The following AHRR variants were observed in gnomAD, a reference collection of about 807,000 sequenced individuals.
AHRR encodes the protein aryl hydrocarbon receptor repressor.
A neutral mutation model predicts 44.0 loss-of-function variants in AHRR; 28 were observed. That is an observed-to-expected ratio of 0.64 (90% CI 0.47 to 0.87). The LOEUF (loss-of-function observed/expected upper bound fraction) is 0.87, where lower values mean the gene tolerates loss of function less well. Ranked by LOEUF, AHRR falls within the 40% of genes least tolerant of loss-of-function variation. The probability of loss-of-function intolerance (pLI) is 0.00; values close to 1 mark genes in which losing one functional copy is unlikely to be tolerated. For missense variants in AHRR, 990 were observed against 953.9 expected (o/e 1.04, Z -0.50); for synonymous variants, 434 against 407.0 (o/e 1.07, Z -0.80).
chr5:373,344 C>T (rs1743642653), intron 3 of AHRR, among the ~76,000 whole-genome samples: 1 of 152,224 alleles, frequency 6.6e-6, no homozygotes, highest in African/African-American at 2.4e-5. Context: ...TGGCAGGGCC[C>T]CTCTCTGCAG....
chr5:418,698 G>C (rs68005421), intron 5 of AHRR: 45,206 of 152,220 alleles, frequency 0.3, 7,157 homozygotes, highest in Non-Finnish European at 0.36. Context: ...GTGTAGGTCA[G>C]CAGGGCGGGA....
intron 6 of AHRR, 99 bp downstream of exon 6, chr5:422,957 C>T: frequency 1.4e-6 from 2 of 1,434,724 alleles, no homozygotes; most frequent in South Asian, 1.4e-5. Context: ...TCTTGGTGTG[C>T]TTTGCCTTAC....
intron 3 of AHRR, among the ~76,000 whole-genome samples, chr5:362,454 C>T (rs13185719): frequency 0.51 from 77,268 of 152,138 alleles, 19,929 homozygotes; most frequent in Non-Finnish European, 0.54. Flanking sequence ...CCTTCCAGCT[C>T]TCCAGGCTGT....
At chr5:400,044 G>C (rs773043061) in intron 4 of AHRR, among the ~76,000 whole-genome samples, 1 of 152,200 alleles carries the variant, frequency 6.6e-6, no homozygotes, top group African/African-American at 2.4e-5. Flanking sequence ...CCCGACGCCC[G>C]CCCGGTGCCC....
chr5:434,198 GAGCCTGCAGCACCAGCTCCCTC>G lies in AHRR; in HGVS notation c.1465_1486del (p.Gln489GlufsTer15). 6.3e-7 allele frequency: 1 copy of G among 1,592,196 alleles called. No individual in the cohort carries two copies. The highest frequency in any genetic ancestry group is 8.6e-7 in the Non-Finnish European group (1 of 1,169,256). On this transcript the variant is annotated frameshift_variant, in exon 11 of 11. Transcript: ENST00000684583. ...CTCCCCTCTGCCACTTTCCCCAGAG[GAGCCTGCAGCACCAGCTCCCTC>G]AGCCTGGAGCTCAGCGTTTTGCCAC...
In AHRR at chr5:343,896, G is replaced by A. The variant is rs1346976585; in HGVS notation, c.-7G>A. 1 of 1,599,416 alleles carries A rather than the reference G, an allele frequency of 6.3e-7. No homozygotes were observed. The highest frequency in any genetic ancestry group is 8.5e-7 in the Non-Finnish European group (1 of 1,173,918). On this transcript the variant is annotated 5_prime_UTR_variant, in exon 2 of 11. Transcript: ENST00000684583. ...CGGGTGCCCCCTTGTCTTCCAGGCC[G>A]AGGACGATGATCCCGCCGGGGGAGT...
In AHRR at chr5:326,566, G is replaced by A. The variant is rs1196688410; in HGVS notation, c.-11+4747G>A. On this transcript the variant is annotated intron_variant, in intron 1 of 10. Transcript: ENST00000684583. The surrounding 1 kb of genome is among the most constrained non-coding windows in gnomAD (Gnocchi z 4.1). Reference sequence around the variant, plus strand: ...GGCATTTGTATGCAGGTTTCTGTTAGAACAAATGCTTTTACTTCTGTTAGG... The same window carrying A: ...GGCATTTGTATGCAGGTTTCTGTTAAAACAAATGCTTTTACTTCTGTTAGG... Among the ~76,000 whole-genome samples the A allele has an allele frequency of 6.6e-6, 1 of 152,206 alleles. No individual in the cohort carries two copies. The highest frequency in any genetic ancestry group is 1.5e-5 in the Non-Finnish European group (1 of 68,030).
Position 435,178 on chromosome 5 carries a change from C to G in AHRR, c.*344C>G, listed in dbSNP as rs188868732. On this transcript the variant is annotated 3_prime_UTR_variant, in exon 11 of 11. Transcript: ENST00000684583. Reference sequence around the variant, plus strand: ...GTCCCATGGCTGCCAAGTCCACAGTCGGGGATGAAGCAGTCGGGTGATGCT... The same window carrying G: ...GTCCCATGGCTGCCAAGTCCACAGTGGGGGATGAAGCAGTCGGGTGATGCT... The G allele has an allele frequency of 3.7e-6, 1 of 272,606 alleles. No homozygotes were observed. Among genetic ancestry groups the G allele is most frequent in the Non-Finnish European group, 7.0e-6 (1 of 142,956 alleles). 16.9% of individuals were successfully genotyped at this position (272,606 alleles called of 1,614,324 possible).
chr5:415,575 T>TGGGG (rs1491316789), intron 5 of AHRR, among the ~76,000 whole-genome samples: 17 of 146,766 alleles, frequency 1.2e-4, no homozygotes, highest in Non-Finnish European at 2.1e-4. Flanking sequence ...ATCTGCCTGG[T>TGGGG]CTGCTGGGAG....
intron 2 of AHRR, among the ~76,000 whole-genome samples, chr5:352,555 G>C (rs1039831363): frequency 7.4e-6 from 1 of 134,266 alleles, no homozygotes; most frequent in African/African-American, 2.7e-5. Context: ...GTCACTCTGA[G>C]GTTAAATAGG....
At chr5:367,029 G>C (rs1743382232) in intron 3 of AHRR, among the ~76,000 whole-genome samples, 1 of 152,272 alleles carries the variant, frequency 6.6e-6, no homozygotes, top group Non-Finnish European at 1.5e-5. Flanking sequence ...GGCATCTGTG[G>C]ACAAGGGGTA....
At position 342,854 on chromosome 5, in the gene AHRR, G is replaced by A. The variant is rs1334945473; in HGVS notation, c.-10-1039G>A. Among the ~76,000 whole-genome samples the A allele has an allele frequency of 6.6e-6, 1 of 152,246 alleles. No individual in the cohort carries two copies. Among genetic ancestry groups the A allele is most frequent in the Non-Finnish European group, 1.5e-5 (1 of 68,046 alleles). ...CTGACCAGCCTGGGCACAGATACTG[G>A]GCTGCTCCTCAGGGGCCCCGCTGGG... On this transcript the variant is annotated intron_variant, in intron 1 of 10. Coordinates refer to ENST00000684583, the MANE Select transcript of AHRR (RefSeq NM_001377236.1). The surrounding 1 kb of genome is among the most constrained non-coding windows in gnomAD (Gnocchi z 4.3).
In AHRR at chr5:434,451, C is replaced by G. The variant is rs1335461243; in HGVS notation, c.1711C>G (p.His571Asp). The change falls in exon 11 of 11, where the codon CAC becomes GAC. Residue 571 changes from histidine (H) to aspartate (D), a missense_variant. His to Asp is a moderately conservative substitution (Grantham distance 81). Transcript: ENST00000684583. ...CCCAGCCACCTTCCCTACCAGGATG[C>G]ACCTGAAAACAGAGCCAGACTCTCG... ...SHPATFPTRMHLKTEPDSRQQ... is the reference protein window; with the variant it reads ...SHPATFPTRMDLKTEPDSRQQ... 6.2e-7 allele frequency: 1 copy of G among 1,613,336 alleles called. No homozygotes were observed. The highest frequency in any genetic ancestry group is 8.5e-7 in the Non-Finnish European group (1 of 1,180,004).
At chr5:360,562 T>G (rs568006238) in intron 3 of AHRR, among the ~76,000 whole-genome samples, 1 of 152,134 alleles carries the variant, frequency 6.6e-6, no homozygotes, top group South Asian at 2.1e-4. Context: ...GTTAAAGGTG[T>G]TGTTGGTGAG....
At chr5:361,977 A>G (rs970045342) in intron 3 of AHRR, among the ~76,000 whole-genome samples, 1 of 152,208 alleles carries the variant, frequency 6.6e-6, no homozygotes, top group African/African-American at 2.4e-5. Flanking sequence ...TTTGGAGGCA[A>G]GGATTGAATG....
At chr5:344,961 G>GGCT (rs1411973853) in intron 2 of AHRR, among the ~76,000 whole-genome samples, 7 of 40,754 alleles carry the variant, frequency 1.7e-4, no homozygotes, top group Non-Finnish European at 2.7e-4. Context: ...GTGTGTGTGA[G>GGCT]GTTGGGGGCT....
chr5:372,002 G>A (rs562085533), intron 3 of AHRR, among the ~76,000 whole-genome samples: 5 of 152,352 alleles, frequency 3.3e-5, no homozygotes, highest in African/African-American at 1.2e-4. Flanking sequence ...TCTGCAGAGA[G>A]GCAGGCAGTC....
intron 4 of AHRR, among the ~76,000 whole-genome samples, chr5:402,017 C>T (rs1735033651): frequency 6.6e-6 from 1 of 152,184 alleles, no homozygotes; most frequent in African/African-American, 2.4e-5. Flanking sequence ...AAGAGGCAGC[C>T]TATGGAATGG....
At chr5:351,493 G>A (rs1742856078) in intron 2 of AHRR, among the ~76,000 whole-genome samples, 1 of 152,210 alleles carries the variant, frequency 6.6e-6, no homozygotes, top group South Asian at 2.1e-4. Flanking sequence ...TGAGAAAGAA[G>A]CCGGCCACAG....
Sources: allele counts gnomAD v4.1 joint callset (sites outside exome capture counted in the v4.1 genomes callset), GRCh38; gene constraint gnomAD v4.1.1; non-coding constraint Gnocchi (gnomAD v3.1); transcripts MANE v1.5; gene names NCBI Gene and HGNC (gene_info 2026-07-23, HGNC 2026-07-21).